The following EXTL3 variants were observed in gnomAD, a reference collection of about 807,000 sequenced individuals.
EXTL3 encodes the protein exostosin-like 3.
Under a neutral mutation model 69.3 loss-of-function variants are expected in EXTL3, and 27 were observed. The ratio of observed to expected loss-of-function variants is 0.39; its 90% confidence interval spans 0.29 to 0.54. The LOEUF (loss-of-function observed/expected upper bound fraction) is 0.54, where lower values mean the gene tolerates loss of function less well. Among genes scored for constraint, EXTL3 ranks in the 20% least tolerant of loss-of-function variants. The pLI, the probability that EXTL3 is intolerant of heterozygous loss-of-function variation, is 0.69. For synonymous variants in EXTL3, 511 were observed against 499.4 expected (o/e 1.02, Z -0.31); for missense variants, 1,003 against 1,231.8 (o/e 0.81, Z 2.78).
At chr8:28,690,866 T>C (rs978658059) in intron 1 of EXTL3, among the ~76,000 whole-genome samples, 3 of 152,124 alleles carry the variant, frequency 2.0e-5, no homozygotes, top group Non-Finnish European at 2.9e-5. Context: ...AGATGGATCC[T>C]AGTTAGGGTG....
rs71549687 is a variant in EXTL3, at chr8:28,668,324, C to CTTTT, written c.-52-45111_-52-45108dup. Among the ~76,000 whole-genome samples the CTTTT allele has an allele frequency of 4.1e-3, 337 of 82,560 alleles. 17 individuals carry two copies. Among genetic ancestry groups the CTTTT allele is most frequent in the African/African-American group, 0.012 (229 of 18,774 alleles). 54.2% of individuals were successfully genotyped at this position (82,560 alleles called of 152,430 possible). On this transcript the variant is annotated intron_variant, in intron 1 of 6. Coordinates refer to the EXTL3 transcript ENST00000523149. ...GAATACTTTCTTTCCAGAGTTGTTA[C>CTTTT]TTTTTTTTTTTTTTTTTTTTTTTTT... is the stretch of plus-strand genomic sequence containing the variant.
chr8:28,733,407 C>T (rs1453186318), intron 4 of EXTL3, among the ~76,000 whole-genome samples: 2 of 150,948 alleles, frequency 1.3e-5, no homozygotes, highest in Non-Finnish European at 1.5e-5. Context: ...TGTATATATA[C>T]ACACACACAC....
At chr8:28,749,116 T>C (rs1585301687) in intron 6 of EXTL3, among the ~76,000 whole-genome samples, 1 of 152,270 alleles carries the variant, frequency 6.6e-6, no homozygotes, top group South Asian at 2.1e-4. Context: ...TAAAGCCTCA[T>C]TGAAGATGAG....
chr8:28,696,820 A>G (rs1800693485), upstream of EXTL3: 2 of 152,216 alleles, frequency 1.3e-5, no homozygotes, highest in Admixed American at 1.3e-4. Flanking sequence ...TCAGCCTCCC[A>G]AAGTGCTGGG....
In EXTL3 at chr8:28,625,537, T is replaced by C. The variant is rs372315319; in HGVS notation, c.-53+2727T>C. On this transcript the variant is annotated intron_variant, in intron 1 of 6. Transcript: ENST00000523149. The stretch of plus-strand genomic sequence containing the variant: ...ATAGAAGTAGTTATTCTGAAGGAGA[T>C]AGTCACTCATACATGAACTGTCCAG... Among the ~76,000 whole-genome samples, 5 of 152,316 alleles carry C rather than the reference T, an allele frequency of 3.3e-5. No individual in the cohort carries two copies. In the South Asian group the frequency reaches 1.0e-3, roughly 32 times the overall value.
intron 2 of EXTL3, among the ~76,000 whole-genome samples, chr8:28,616,434 GCTAACAGGGTGAAACCCCGC>G (rs1195104594): frequency 6.6e-6 from 1 of 152,044 alleles, no homozygotes; most frequent in Non-Finnish European, 1.5e-5. Flanking sequence ...GACCATCCTG[GCTAACAGGGTGAAACCCCGC>G]CTCTACTAAA....
At position 28,674,817 on chromosome 8, in the gene EXTL3, A is replaced by G. The variant is rs118082161; in HGVS notation, c.-52-38640A>G. On this transcript the variant is annotated intron_variant, in intron 1 of 6. Transcript: ENST00000523149. ...CCTTTGCTTCCCAACAACCCCAGCA[A>G]CAGTGGCATTCCCAACCCTCAGTGG... is the stretch of plus-strand genomic sequence containing the variant. Among the ~76,000 whole-genome samples, 689 of 152,328 alleles carry G rather than the reference A, an allele frequency of 4.5e-3. 6 individuals carry two copies. Among genetic ancestry groups the G allele is most frequent in the Admixed American group, 9.9e-3 (151 of 15,296 alleles).
intron 1 of EXTL3, among the ~76,000 whole-genome samples, chr8:28,662,462 A>G (rs977674745): frequency 2.0e-5 from 3 of 152,260 alleles, no homozygotes; most frequent in Admixed American, 1.3e-4. Context: ...CCAATGAATA[A>G]GTCCTATTAA....
At chr8:28,649,835 C>G (rs1000583523) in intron 1 of EXTL3, among the ~76,000 whole-genome samples, 1 of 148,958 alleles carries the variant, frequency 6.7e-6, no homozygotes, top group Non-Finnish European at 1.5e-5. Flanking sequence ...TGTTTTCTTT[C>G]TTAAATTCTA....
chr8:28,614,079 C>A (rs1192799211), intron 2 of EXTL3, among the ~76,000 whole-genome samples: 4 of 151,984 alleles, frequency 2.6e-5, no homozygotes, highest in African/African-American at 9.7e-5. Flanking sequence ...AATCTTCCTG[C>A]CTCGGTCTCC....
intron 6 of EXTL3, among the ~76,000 whole-genome samples, chr8:28,745,282 G>A (rs1801866263): frequency 6.6e-6 from 1 of 152,230 alleles, no homozygotes; most frequent in Admixed American, 6.5e-5. Context: ...AGAAATGCAT[G>A]TGGAGGCCAA....
chr8:28,748,512 A>G (rs1352192716), intron 6 of EXTL3, among the ~76,000 whole-genome samples: 1 of 152,182 alleles, frequency 6.6e-6, no homozygotes, highest in African/African-American at 2.4e-5. Flanking sequence ...ATTGCCAGAA[A>G]GGAAGCAGGT....
At chr8:28,709,118 A>G (rs1414108569) in intron 1 of EXTL3, among the ~76,000 whole-genome samples, 4 of 152,228 alleles carry the variant, frequency 2.6e-5, no homozygotes, top group African/African-American at 4.8e-5. Context: ...TGAGCTTTAC[A>G]GCCAGCTTGC....
At chr8:28,624,870 T>G (rs1806468401) in intron 1 of EXTL3, among the ~76,000 whole-genome samples, 1 of 152,132 alleles carries the variant, frequency 6.6e-6, no homozygotes, top group Admixed American at 6.5e-5. Flanking sequence ...ACACTGACAC[T>G]CAGATCAAGA....
intron 1 of EXTL3, among the ~76,000 whole-genome samples, chr8:28,711,557 T>C (rs1261057525): frequency 6.6e-6 from 1 of 152,152 alleles, no homozygotes; most frequent in Non-Finnish European, 1.5e-5. Flanking sequence ...GGAAATGAGC[T>C]CAGGGAGATT....
intron 2 of EXTL3, among the ~76,000 whole-genome samples, chr8:28,715,054 C>T (rs1440652800): frequency 1.3e-5 from 2 of 152,248 alleles, no homozygotes; most frequent in Non-Finnish European, 2.9e-5. Context: ...AGGATTACTG[C>T]ATCTACTACT....
At chr8:28,674,619 G>A (rs933845413) in intron 1 of EXTL3, among the ~76,000 whole-genome samples, 5 of 152,194 alleles carry the variant, frequency 3.3e-5, no homozygotes, top group South Asian at 2.1e-4. Context: ...GAATTACAAC[G>A]CAAGTTGAAC....
At chr8:28,746,246 G>A (rs1407284426) in intron 6 of EXTL3, among the ~76,000 whole-genome samples, 1 of 152,098 alleles carries the variant, frequency 6.6e-6, no homozygotes, top group Non-Finnish European at 1.5e-5. Context: ...ATTGACTAAC[G>A]AATGGGGAGT....
intron 4 of EXTL3, among the ~76,000 whole-genome samples, chr8:28,736,277 T>G (rs1338461830): frequency 2.0e-5 from 3 of 152,232 alleles, no homozygotes; most frequent in African/African-American, 7.2e-5. Context: ...CTTCTAGACT[T>G]ATTAGGAGAG....
Sources: gnomAD v4.1 joint callset for allele counts (sites outside exome capture counted in the v4.1 genomes callset) on GRCh38, gnomAD v4.1.1 for gene constraint, MANE v1.5 for transcripts, NCBI Gene and HGNC (gene_info 2026-07-23, HGNC 2026-07-21) for gene names.